Variants in CSMD3 observed in about 807,000 individuals in gnomAD.
The protein encoded by CSMD3 is CUB and Sushi multiple domains 3.
A neutral mutation model predicts 435.2 loss-of-function variants in CSMD3; 177 were observed. The observed-to-expected ratio is 0.41, with a 90% confidence interval of 0.36 to 0.46. The LOEUF (loss-of-function observed/expected upper bound fraction) is 0.46, where lower values mean the gene tolerates loss of function less well. Among genes scored for constraint, CSMD3 ranks in the 20% least tolerant of loss-of-function variants. The pLI is 0.34. For synonymous variants in CSMD3, 1,656 were observed against 1,520.5 expected (o/e 1.09, Z -2.07); for missense variants, 4,265 against 4,504.6 (o/e 0.95, Z 1.52).
In CSMD3 at chr8:113,284,103, G is replaced by A. The variant is rs183458204; in HGVS notation, c.402-5399C>T. Among the ~76,000 whole-genome samples the A allele has an allele frequency of 1.8e-3, 281 of 152,084 alleles. No individual in the cohort carries two copies. The Middle Eastern group carries it at 0.027, about 15-fold the overall frequency. The stretch of plus-strand genomic sequence containing the variant: ...ACTTGGGGGAGAGGGAGGTGGGCAC[G>A]GGATAAAAGAACACAGATATAGTAC... On this transcript the variant is annotated intron_variant, in intron 2 of 70. Transcript: ENST00000297405.
chr8:113,366,656 T>A (rs1218677141), intron 1 of CSMD3, among the ~76,000 whole-genome samples: 1 of 152,080 alleles, frequency 6.6e-6, no homozygotes, highest in East Asian at 1.9e-4. Flanking sequence ...AATGATGTCT[T>A]GAGAAAACTA....
chr8:112,856,740 T>C (rs1435932867), intron 11 of CSMD3, among the ~76,000 whole-genome samples: 1 of 151,868 alleles, frequency 6.6e-6, no homozygotes, highest in African/African-American at 2.4e-5. Context: ...TAGAACACCA[T>C]AATTGCTCAA....
chr8:112,570,496 A>C (rs1305587245), intron 24 of CSMD3, among the ~76,000 whole-genome samples: 1 of 152,192 alleles, frequency 6.6e-6, no homozygotes, highest in Non-Finnish European at 1.5e-5. Flanking sequence ...CTTGAAGGTT[A>C]ATTGGTATCC....
At chr8:113,052,940 T>A (rs551111174) in intron 5 of CSMD3, among the ~76,000 whole-genome samples, 5 of 152,222 alleles carry the variant, frequency 3.3e-5, no homozygotes, top group African/African-American at 1.2e-4. Flanking sequence ...CAGGAATCAA[T>A]TGAATGACTT....
chr8:113,144,690 T>G (rs2091631271), intron 4 of CSMD3, among the ~76,000 whole-genome samples: 1 of 151,466 alleles, frequency 6.6e-6, no homozygotes, highest in South Asian at 2.1e-4. Context: ...CTGGTCCAAT[T>G]TACTTTAATG....
At chr8:112,393,501 A>C (rs1398168994) in intron 35 of CSMD3, among the ~76,000 whole-genome samples, 1 of 152,134 alleles carries the variant, frequency 6.6e-6, no homozygotes, top group Non-Finnish European at 1.5e-5. Context: ...TATTATTTTT[A>C]TGTTAGTCTC....
At chr8:112,280,243 A>G (rs1818494260) in intron 59 of CSMD3, among the ~76,000 whole-genome samples, 2 of 152,094 alleles carry the variant, frequency 1.3e-5, no homozygotes, top group Non-Finnish European at 1.5e-5. Context: ...ACATCCTCTC[A>G]TGATACTTAG....
chr8:113,126,415 T>C (rs2091130631), intron 4 of CSMD3, among the ~76,000 whole-genome samples: 1 of 151,944 alleles, frequency 6.6e-6, no homozygotes. Flanking sequence ...ATGTGAAAAT[T>C]ATATTGATGT....
At position 112,738,133 on chromosome 8, in the gene CSMD3, G is replaced by C. The variant is rs547440819; in HGVS notation, c.1973-48083C>G. Among the ~76,000 whole-genome samples the C allele has an allele frequency of 7.2e-5, 11 of 151,776 alleles. No individual in the cohort carries two copies. In the South Asian group the frequency reaches 2.1e-3, roughly 29 times the overall value. On this transcript the variant is annotated intron_variant, in intron 13 of 70. Transcript: ENST00000297405. The stretch of plus-strand genomic sequence containing the variant: ...TGCAGATATAAGCAGAGAGGTGGGG[G>C]GAAGAAATATTTCAGGGATCCATAA...
At chr8:112,979,643 T>G (rs1185011759) in intron 6 of CSMD3, among the ~76,000 whole-genome samples, 1 of 151,442 alleles carries the variant, frequency 6.6e-6, no homozygotes, top group Admixed American at 6.6e-5. Flanking sequence ...TTGAAAAAAA[T>G]TAAGTATGCT....
At chr8:112,593,729 T>C (rs1274942251) in intron 22 of CSMD3, among the ~76,000 whole-genome samples, 1 of 152,118 alleles carries the variant, frequency 6.6e-6, no homozygotes, top group Non-Finnish European at 1.5e-5. Flanking sequence ...TATCATGGAA[T>C]AGTAAAGAGA....
intron 28 of CSMD3, among the ~76,000 whole-genome samples, chr8:112,513,355 C>G (rs1195594502): frequency 1.3e-5 from 2 of 151,994 alleles, no homozygotes; most frequent in Non-Finnish European, 2.9e-5. Flanking sequence ...GGCCATTGGT[C>G]TAATTTTAAT....
chr8:112,524,586 G>C lies in CSMD3; in HGVS notation c.4565-7361C>G, dbSNP rs557048186. ...AAGAGGAATAGTAGATGTGAACATA[G>C]TTTTAAAATAATAACATGTGTATCA... On this transcript the variant is annotated intron_variant, in intron 27 of 70. Coordinates refer to ENST00000297405, the MANE Select transcript of CSMD3 (RefSeq NM_198123.2). 2.6e-5 allele frequency among the ~76,000 whole-genome samples: 4 copies of C among 151,994 alleles called. No individual in the cohort carries two copies. In the South Asian group the frequency reaches 8.3e-4, roughly 31 times the overall value.
chr8:112,551,694 C>CT (rs1459275683), intron 26 of CSMD3, among the ~76,000 whole-genome samples: 1 of 151,970 alleles, frequency 6.6e-6, no homozygotes, highest in Admixed American at 6.6e-5. Flanking sequence ...ATAGTGTAGT[C>CT]TATTTTCAGT....
At chr8:113,349,157 C>T (rs1383391765) in intron 1 of CSMD3, among the ~76,000 whole-genome samples, 1 of 152,002 alleles carries the variant, frequency 6.6e-6, no homozygotes. Context: ...GTGCCCTTAC[C>T]AAATCAATGA....
chr8:112,729,830 A>C (rs1400791752), intron 13 of CSMD3, among the ~76,000 whole-genome samples: 1 of 152,116 alleles, frequency 6.6e-6, no homozygotes, highest in African/African-American at 2.4e-5. Flanking sequence ...CAAGGAACTG[A>C]TTATTCCCTT....
intron 11 of CSMD3, among the ~76,000 whole-genome samples, chr8:112,856,739 A>G (rs906501774): frequency 2.0e-5 from 3 of 151,868 alleles, no homozygotes; most frequent in Admixed American, 1.3e-4. Flanking sequence ...TTAGAACACC[A>G]TAATTGCTCA....
intron 4 of CSMD3, among the ~76,000 whole-genome samples, chr8:113,169,578 T>TA (rs1336655292): frequency 2.0e-5 from 3 of 152,188 alleles, no homozygotes; most frequent in African/African-American, 7.2e-5. Flanking sequence ...CATTTCTAAT[T>TA]TAGCCATATG....
intron 1 of CSMD3, among the ~76,000 whole-genome samples, chr8:113,392,063 G>T (rs376078819): frequency 1.3e-5 from 2 of 151,920 alleles, no homozygotes; most frequent in Non-Finnish European, 2.9e-5. Context: ...CTTAATGATT[G>T]ACAAAACCAG....
Sources: gnomAD v4.1 joint callset for allele counts (sites outside exome capture counted in the v4.1 genomes callset) on GRCh38, gnomAD v4.1.1 for gene constraint, MANE v1.5 for transcripts, NCBI Gene and HGNC (gene_info 2026-07-23, HGNC 2026-07-21) for gene names.